LYN: variants seen among roughly 807,000 people sequenced by gnomAD.
LYN encodes the protein tyrosine-protein kinase Lyn.
LYN carries 12 observed loss-of-function variants against 65.0 expected under a neutral mutation model. That is an observed-to-expected ratio of 0.18 (90% CI 0.12 to 0.30). LYN has a LOEUF of 0.30. Among genes scored for constraint, LYN ranks in the 10% least tolerant of loss-of-function variants. The probability of loss-of-function intolerance (pLI) is 1.00; values close to 1 mark genes in which losing one functional copy is unlikely to be tolerated. For synonymous variants in LYN, 222 were observed against 221.2 expected (o/e 1.00, Z -0.03); for missense variants, 380 against 623.2 (o/e 0.61, Z 4.16).
intron 1 of LYN, among the ~76,000 whole-genome samples, chr8:55,880,532 G>T (rs1034660071): frequency 6.6e-6 from 1 of 152,212 alleles, no homozygotes; most frequent in South Asian, 2.1e-4. Flanking sequence ...TACTGGAGAG[G>T]ACTCCTCGGA....
At chr8:55,966,619 C>T (rs1046821992) in intron 8 of LYN, 96 bp from the exon 9 acceptor site, 15 of 1,080,000 alleles carry the variant, frequency 1.4e-5, no homozygotes, top group East Asian at 5.1e-5. Context: ...CCACTCACCT[C>T]GACCTCCCAA....
intron 1 of LYN, among the ~76,000 whole-genome samples, chr8:55,896,408 A>G (rs1168994081): frequency 6.6e-6 from 1 of 152,216 alleles, no homozygotes; most frequent in Admixed American, 6.5e-5. Context: ...ATAAGAACAG[A>G]AAACCAAACA....
intron 4 of LYN, 108 bp from the exon 5 acceptor site, chr8:55,950,351 T>C: frequency 1.4e-6 from 1 of 729,872 alleles, no homozygotes; most frequent in South Asian, 1.9e-5. Context: ...TTAATTGATA[T>C]GTAATATCTG....
At chr8:55,940,326 C>G (rs1437688979) in intron 1 of LYN, 1 of 152,226 alleles carries the variant, frequency 6.6e-6, no homozygotes, top group Non-Finnish European at 1.5e-5. Context: ...AGAATCTGTT[C>G]GGTGAGAACC....
chr8:55,956,778 G>A (rs1807129175), intron 8 of LYN, among the ~76,000 whole-genome samples: 1 of 152,146 alleles, frequency 6.6e-6, no homozygotes. Context: ...TTCTCCGTCT[G>A]TTCACTGAGA....
At chr8:55,905,302 C>T (rs1303459790) in intron 1 of LYN, among the ~76,000 whole-genome samples, 2 of 152,084 alleles carry the variant, frequency 1.3e-5, no homozygotes, top group Admixed American at 6.6e-5. Flanking sequence ...ATTCCAGCTA[C>T]TCCGGAGGCT....
At chr8:55,991,523 A>C (rs535302719) in intron 10 of LYN, among the ~76,000 whole-genome samples, 1 of 152,208 alleles carries the variant, frequency 6.6e-6, no homozygotes, top group Non-Finnish European at 1.5e-5. Flanking sequence ...TAACTCAGGA[A>C]GCATTATTAT....
chr8:55,959,093 C>G (rs1353548573), intron 8 of LYN, among the ~76,000 whole-genome samples: 1 of 152,198 alleles, frequency 6.6e-6, no homozygotes, highest in Non-Finnish European at 1.5e-5. Context: ...TAAGTGTTCC[C>G]TTTCTCCACA....
chr8:55,889,390 A>T (rs1370058881), intron 1 of LYN, among the ~76,000 whole-genome samples: 1 of 152,020 alleles, frequency 6.6e-6, no homozygotes, highest in African/African-American at 2.4e-5. Flanking sequence ...TTTTGTAGAG[A>T]TGGGGTTTGG....
At position 56,013,402 on chromosome 8, in the gene LYN, C is replaced by T. The variant is rs1230139382; in HGVS notation, c.*3292C>T. 1 of 152,078 alleles carries T rather than the reference C, an allele frequency of 6.6e-6. No homozygotes were observed. The highest frequency in any genetic ancestry group is 1.5e-5 in the Non-Finnish European group (1 of 68,088). The allele number at this position is 152,078 out of a possible 1,614,324, so 9.4% of individuals were successfully genotyped here. The stretch of plus-strand genomic sequence containing the variant: ...TCTCCTGCCTCAGCCTCCCTAGTAG[C>T]TGGAACTACAGGCACACACCATCTC... On this transcript the variant is annotated 3_prime_UTR_variant, in exon 13 of 13. Transcript: ENST00000519728.
intron 9 of LYN, among the ~76,000 whole-genome samples, chr8:55,968,215 G>T (rs1420274311): frequency 1.3e-5 from 2 of 151,946 alleles, no homozygotes; most frequent in Non-Finnish European, 2.9e-5. Context: ...CTAATGATAG[G>T]TATAAATATG....
chr8:55,997,333 A>G (rs1376405138), intron 10 of LYN, among the ~76,000 whole-genome samples: 1 of 152,132 alleles, frequency 6.6e-6, no homozygotes, highest in Non-Finnish European at 1.5e-5. Flanking sequence ...CTCTATTTTC[A>G]TAGTTGGTTC....
intron 5 of LYN, 29 bp from the exon 6 acceptor site, chr8:55,950,652 A>G: frequency 1.9e-6 from 3 of 1,580,152 alleles, no homozygotes; most frequent in Non-Finnish European, 2.6e-6. Context: ...GGAACATAAT[A>G]TGCAGGAAAT....
intron 2 of LYN, among the ~76,000 whole-genome samples, chr8:55,944,869 C>G (rs1259321049): frequency 6.6e-6 from 1 of 152,192 alleles, no homozygotes; most frequent in African/African-American, 2.4e-5. Flanking sequence ...CCGCTTTTTC[C>G]TCTTGTTCAA....
At chr8:55,896,925 A>G (rs1477339934) in intron 1 of LYN, among the ~76,000 whole-genome samples, 1 of 152,150 alleles carries the variant, frequency 6.6e-6, no homozygotes, top group Non-Finnish European at 1.5e-5. Context: ...TTTTTAGTAG[A>G]GACGGGGTTT....
chr8:55,977,771 T>A (rs1023403798), intron 10 of LYN, among the ~76,000 whole-genome samples: 12 of 131,970 alleles, frequency 9.1e-5, no homozygotes, highest in Non-Finnish European at 1.7e-4. Flanking sequence ...AAAAAAAAAA[T>A]TAGCCAGGCC....
chr8:55,956,102 T>G (rs906589689), intron 8 of LYN, among the ~76,000 whole-genome samples: 1 of 149,082 alleles, frequency 6.7e-6, no homozygotes, highest in Non-Finnish European at 1.5e-5. Context: ...AAAACTATTA[T>G]ATGCTCATTA....
At chr8:55,883,861 G>T (rs1283079925) in intron 1 of LYN, among the ~76,000 whole-genome samples, 2 of 149,300 alleles carry the variant, frequency 1.3e-5, no homozygotes, top group East Asian at 1.9e-4. Context: ...AAGTTGTTGG[G>T]TTTTTTTTTT....
In LYN at chr8:55,950,730, G is replaced by A. The variant is rs760473420; in HGVS notation, c.433G>A (p.Ala145Thr). The A allele has an allele frequency of 5.0e-6, 8 of 1,614,018 alleles. No homozygotes were observed. The highest frequency in any genetic ancestry group is 6.8e-6 in the Non-Finnish European group (8 of 1,179,990). Residue 145 changes from alanine (A) to threonine (T), a missense_variant, in exon 6 of 13, where the codon GCA becomes ACA. Physicochemically the swap from Ala to Thr is moderately conservative, Grantham distance 58. Coordinates refer to ENST00000519728, the MANE Select transcript of LYN (RefSeq NM_002350.4). ...TRKDAERQLL[A>T]PGNSAGAFLI... ...GAAGGACGCAGAAAGGCAGCTTTTG[G>A]CACCAGGAAATAGCGCTGGAGCTTT... is the stretch of plus-strand genomic sequence containing the variant.
Sources: allele counts gnomAD v4.1 joint callset (sites outside exome capture counted in the v4.1 genomes callset), GRCh38; gene constraint gnomAD v4.1.1; transcripts MANE v1.5; gene names NCBI Gene and HGNC (gene_info 2026-07-23, HGNC 2026-07-21).